The following AGMO variants were observed in gnomAD, a reference collection of about 807,000 sequenced individuals.
AGMO encodes the protein alkylglycerol monooxygenase, also known as glyceryl-ether monooxygenase.
AGMO carries 75 observed loss-of-function variants against 60.2 expected under a neutral mutation model. The observed-to-expected ratio is 1.25, with a 90% CI of 1.03 to 1.51. The LOEUF (loss-of-function observed/expected upper bound fraction) is 1.51, where lower values mean the gene tolerates loss of function less well. Ranked by LOEUF, AGMO falls within the 40% of genes most tolerant of loss-of-function variation. The pLI, the probability that AGMO is intolerant of heterozygous loss-of-function variation, is 0.00. For synonymous variants in AGMO, 261 were observed against 177.1 expected, an observed-to-expected ratio of 1.47 and a Z score of -3.76; for missense variants, 763 against 525.5, an observed-to-expected ratio of 1.45 and a Z score of -4.42.
rs376562372 is a variant in AGMO at position 15,465,252 on chromosome 7, T to C, written c.410-34144A>G. ...CCAACCCATGCCACTCCCTCTCTTC[T>C]CAGCACTGCTCCCCAGAAACACACT... On this transcript the variant is annotated intron_variant, in intron 3 of 12. Transcript: ENST00000342526. 4.0e-5 allele frequency among the ~76,000 whole-genome samples: 6 copies of C among 151,808 alleles called. No individual in the cohort carries two copies. The East Asian group carries it at 1.2e-3, about 30-fold the overall frequency.
chr7:15,217,324 A>G (rs1264417893), intron 12 of AGMO, among the ~76,000 whole-genome samples: 2 of 152,064 alleles, frequency 1.3e-5, no homozygotes, highest in African/African-American at 4.8e-5. Flanking sequence ...CATAATAAAA[A>G]TTTAAATGCA....
downstream of AGMO, among the ~76,000 whole-genome samples, chr7:15,195,997 C>A (rs1042056602): frequency 6.6e-6 from 1 of 151,526 alleles, no homozygotes; most frequent in African/African-American, 2.4e-5. Context: ...TGGCTCAGTT[C>A]CTCCCCTTCC....
At chr7:15,440,942 T>A (rs1781539350) in intron 3 of AGMO, among the ~76,000 whole-genome samples, 1 of 152,232 alleles carries the variant, frequency 6.6e-6, no homozygotes, top group African/African-American at 2.4e-5. Flanking sequence ...ATTTGTGTGC[T>A]GCTAATGGCC....
chr7:15,459,293 A>G (rs1335464470), intron 3 of AGMO, among the ~76,000 whole-genome samples: 1 of 152,202 alleles, frequency 6.6e-6, no homozygotes, highest in Non-Finnish European at 1.5e-5. Flanking sequence ...AAATCAATAT[A>G]GTCAGTTTAA....
In AGMO at chr7:15,397,053, C is replaced by G. The variant is rs73284441; in HGVS notation, c.610-2874G>C. ...ACAGAAAAGTTCTCCAAGTCACCACCGGTCCCAGAAGCCCAGTTGGCTTCA... is the reference window on the plus strand; with the variant it reads ...ACAGAAAAGTTCTCCAAGTCACCACGGGTCCCAGAAGCCCAGTTGGCTTCA... On this transcript the variant is annotated intron_variant, in intron 5 of 12. Coordinates refer to ENST00000342526, the MANE Select transcript of AGMO (RefSeq NM_001004320.2). 3.3e-5 allele frequency among the ~76,000 whole-genome samples: 5 copies of G among 152,236 alleles called. No homozygotes were observed. In the South Asian group the frequency reaches 6.2e-4, roughly 19 times the overall value.
chr7:15,279,379 C>T (rs1200964189), intron 12 of AGMO, among the ~76,000 whole-genome samples: 1 of 152,176 alleles, frequency 6.6e-6, no homozygotes, highest in Non-Finnish European at 1.5e-5. Flanking sequence ...GAATTGTTAA[C>T]ATTTACTTGC....
At chr7:15,276,680 T>C (rs1583354345) in intron 12 of AGMO, among the ~76,000 whole-genome samples, 1 of 152,122 alleles carries the variant, frequency 6.6e-6, no homozygotes, top group Admixed American at 6.5e-5. Flanking sequence ...TTATAAGACA[T>C]AGTTTTAGTG....
At chr7:15,295,604 T>A (rs2128523784) in intron 12 of AGMO, among the ~76,000 whole-genome samples, 1 of 152,216 alleles carries the variant, frequency 6.6e-6, no homozygotes, top group Admixed American at 6.5e-5. Context: ...AGTATAATTT[T>A]GATTAAAATA....
chr7:15,479,971 A>C (rs912852975), intron 3 of AGMO, among the ~76,000 whole-genome samples: 10 of 152,166 alleles, frequency 6.6e-5, no homozygotes, highest in African/African-American at 2.4e-4. Context: ...TTAAAGCAAA[A>C]AAAAGCAACA....
chr7:15,180,584 T>C, the AGMO span, among the ~76,000 whole-genome samples: 1 of 151,870 alleles, frequency 6.6e-6, no homozygotes, highest in African/African-American at 2.4e-5. Context: ...ATTTAGACTT[T>C]CCCTACTCTG....
At chr7:15,118,942 G>A in the AGMO span, among the ~76,000 whole-genome samples, 2 of 138,884 alleles carry the variant, frequency 1.4e-5, no homozygotes, top group African/African-American at 5.4e-5. Context: ...CTGTTGCCAG[G>A]CTGGAGTGCA....
chr7:15,431,002 T>C lies in AGMO; in HGVS notation c.513+3A>G, dbSNP rs1312903565. On this transcript the variant is annotated splice_donor_region_variant and intron_variant, in intron 4 of 12. Transcript: ENST00000342526. ...CATGTTTATTCCATTTCATACAACT[T>C]ACCCAGGAAGTATATATCTGGAGGA... 3.2e-6 allele frequency: 5 copies of C among 1,556,000 alleles called. No homozygotes were observed. Among genetic ancestry groups the C allele is most frequent in the Non-Finnish European group, 4.4e-6 (5 of 1,138,322 alleles).
At chr7:15,388,190 TAA>T (rs1362630168) in intron 8 of AGMO, among the ~76,000 whole-genome samples, 1 of 152,156 alleles carries the variant, frequency 6.6e-6, no homozygotes, top group Non-Finnish European at 1.5e-5. Context: ...TAAAATTGCT[TAA>T]AATATGACAA....
chr7:15,245,950 C>A (rs61113173), intron 12 of AGMO, among the ~76,000 whole-genome samples: 59,573 of 151,832 alleles, frequency 0.39, 12,383 homozygotes, highest in Admixed American at 0.51. Context: ...TCCATTGTTC[C>A]TTTCCTTTAT....
intron 4 of AGMO, among the ~76,000 whole-genome samples, chr7:15,422,585 G>C (rs1356000723): frequency 2.0e-5 from 3 of 152,160 alleles, no homozygotes; most frequent in Non-Finnish European, 4.4e-5. Flanking sequence ...ATTTCTCTTT[G>C]AAGTTTTAAA....
intron 12 of AGMO, among the ~76,000 whole-genome samples, chr7:15,364,670 A>G (rs972027523): frequency 6.6e-6 from 1 of 152,038 alleles, no homozygotes; most frequent in Admixed American, 6.6e-5. Flanking sequence ...GGGTATGTGT[A>G]TTTGCAATTT....
intron 12 of AGMO, among the ~76,000 whole-genome samples, chr7:15,291,891 G>A (rs1044970991): frequency 6.6e-5 from 10 of 152,146 alleles, no homozygotes; most frequent in African/African-American, 2.4e-4. Context: ...TAGCATTCCC[G>A]GATACAGTAG....
the AGMO span, among the ~76,000 whole-genome samples, chr7:15,130,051 A>G: frequency 4.3e-4 from 66 of 152,252 alleles, no homozygotes; most frequent in African/African-American, 1.5e-3. Flanking sequence ...AAAGTGCTAC[A>G]TGCGATTCCT....
At chr7:15,467,063 A>G (rs1313661264) in intron 3 of AGMO, among the ~76,000 whole-genome samples, 2 of 152,202 alleles carry the variant, frequency 1.3e-5, no homozygotes, top group Non-Finnish European at 2.9e-5. Context: ...ATTATGGATA[A>G]TATAGTTCTA....
Sources: gnomAD v4.1 joint callset for allele counts (sites outside exome capture counted in the v4.1 genomes callset) on GRCh38, gnomAD v4.1.1 for gene constraint, MANE v1.5 for transcripts, NCBI Gene and HGNC (gene_info 2026-07-23, HGNC 2026-07-21) for gene names.